The following TG variants were observed in gnomAD, a reference collection of about 807,000 sequenced individuals.
The protein encoded by TG is thyroid hormones.
A neutral mutation model predicts 324.7 loss-of-function variants in TG; 270 were observed. The observed-to-expected ratio is 0.83, with a 90% CI of 0.75 to 0.92. The LOEUF (loss-of-function observed/expected upper bound fraction) is 0.92, where lower values mean the gene tolerates loss of function less well. Ranked by LOEUF, TG falls within the 40% of genes least tolerant of loss-of-function variation. The pLI is 0.00. For missense variants in TG, 3,591 were observed against 3,456.4 expected, an observed-to-expected ratio of 1.04 and a Z score of -0.98; for synonymous variants, 1,401 against 1,327.0, an observed-to-expected ratio of 1.06 and a Z score of -1.21.
chr8:132,963,157 C>T (rs575061047), intron 29 of TG, 83 bp downstream of exon 29: 12 of 1,253,752 alleles, frequency 9.6e-6, no homozygotes, highest in East Asian at 9.3e-5. Context: ...AATCAATGAA[C>T]GGACGTATTG....
chr8:133,094,242 C>CTTTTTTT (rs765931953), intron 41 of TG, among the ~76,000 whole-genome samples: 1 of 126,574 alleles, frequency 7.9e-6, no homozygotes, highest in Non-Finnish European at 1.6e-5. Context: ...CTGTCGTTTT[C>CTTTTTTT]TTTTTTTTTT....
At chr8:132,923,225 T>A (rs2132476972) in intron 21 of TG, 113 bp from the exon 22 acceptor site, 1 of 1,191,454 alleles carries the variant, frequency 8.4e-7, no homozygotes, top group Middle Eastern at 2.6e-4. Context: ...AGCTGGAATG[T>A]CTGAGTTAGA....
chr8:133,025,027 C>T (rs370951869), intron 40 of TG, among the ~76,000 whole-genome samples: 24 of 152,302 alleles, frequency 1.6e-4, no homozygotes, highest in African/African-American at 5.8e-4. Flanking sequence ...CTTTGCCTTC[C>T]TTCCTAGCCT....
At chr8:132,972,303 T>G in intron 33 of TG, 1 of 504,372 alleles carries the variant, frequency 2.0e-6, no homozygotes, top group South Asian at 2.1e-5. Context: ...AAAGCTACCT[T>G]CCTCGTAAGG....
intron 35 of TG, among the ~76,000 whole-genome samples, chr8:132,997,774 G>C (rs1223443703): frequency 6.6e-6 from 1 of 152,168 alleles, no homozygotes; most frequent in Admixed American, 6.5e-5. Flanking sequence ...AAGATTGACA[G>C]CTAAAAAAAG....
intron 35 of TG, among the ~76,000 whole-genome samples, chr8:133,005,252 G>T (rs995331591): frequency 1.3e-5 from 2 of 152,176 alleles, no homozygotes; most frequent in African/African-American, 4.8e-5. Context: ...AGGCCCTCCT[G>T]GGCAGGAAGC....
At chr8:132,922,894 C>T (rs1821310981) in intron 21 of TG, among the ~76,000 whole-genome samples, 1 of 152,162 alleles carries the variant, frequency 6.6e-6, no homozygotes, top group Non-Finnish European at 1.5e-5. Context: ...TGGGTTTCCA[C>T]ATGTGAATTT....
intron 39 of TG, 132 bp from the exon 40 acceptor site, chr8:133,021,859 C>T (rs1323736595): frequency 1.9e-6 from 2 of 1,069,496 alleles, no homozygotes; most frequent in Non-Finnish European, 2.8e-6. Context: ...GGACACAGCT[C>T]CATCCACTGC....
intron 45 of TG, among the ~76,000 whole-genome samples, chr8:133,128,337 G>GCACACACA (rs59451880): frequency 0.042 from 5,573 of 133,674 alleles, 184 homozygotes; most frequent in East Asian, 0.074. Context: ...CAAAAGGCGT[G>GCACACACA]CACACACACA....
At chr8:132,978,753 T>C (rs1478536380) in intron 34 of TG, among the ~76,000 whole-genome samples, 1 of 152,166 alleles carries the variant, frequency 6.6e-6, no homozygotes, top group African/African-American at 2.4e-5. Context: ...GGAGGTAGCA[T>C]GTCCCTGCCC....
chr8:133,008,986 A>C (rs1428351686), intron 35 of TG, among the ~76,000 whole-genome samples: 1 of 152,206 alleles, frequency 6.6e-6, no homozygotes, highest in Non-Finnish European at 1.5e-5. Context: ...GCACAAAAGC[A>C]GTGACTCATC....
intron 41 of TG, among the ~76,000 whole-genome samples, chr8:133,043,854 A>C (rs1352632945): frequency 6.6e-6 from 1 of 152,216 alleles, no homozygotes; most frequent in Non-Finnish European, 1.5e-5. Context: ...TGAACCCAGA[A>C]GGGGGAAGAT....
intron 35 of TG, among the ~76,000 whole-genome samples, chr8:133,007,287 G>C (rs1175576748): frequency 6.6e-6 from 1 of 152,114 alleles, no homozygotes; most frequent in Non-Finnish European, 1.5e-5. Context: ...AAACACAAGA[G>C]TTGACTTTGT....
At chr8:133,038,851 G>T in intron 41 of TG, 1 of 637,160 alleles carries the variant, frequency 1.6e-6, no homozygotes, top group South Asian at 2.0e-5. Flanking sequence ...CAAAAATCCT[G>T]GTGACTATTT....
intron 5 of TG, among the ~76,000 whole-genome samples, chr8:132,879,706 T>C (rs1486725832): frequency 1.3e-5 from 2 of 152,102 alleles, no homozygotes; most frequent in Admixed American, 6.6e-5. Flanking sequence ...GGGAGGACCC[T>C]CTCCAGAGCT....
At chr8:132,988,014 G>GTCT (rs1831793771) in intron 35 of TG, among the ~76,000 whole-genome samples, 1 of 149,948 alleles carries the variant, frequency 6.7e-6, no homozygotes, top group Non-Finnish European at 1.5e-5. Flanking sequence ...CGGGGGAGCA[G>GTCT]AATTCTTTCT....
In TG at chr8:133,062,476, G is replaced by A. The variant is rs532399182; in HGVS notation, c.7239+32453G>A. On this transcript the variant is annotated intron_variant, in intron 41 of 47. Coordinates refer to ENST00000220616, the MANE Select transcript of TG (RefSeq NM_003235.5). ...GCAGACACTTCCTGGGCATCTCCCC[G>A]GTGCCGGGCCCTGGGCTAGAGCCTT... 1.1e-4 allele frequency among the ~76,000 whole-genome samples: 17 copies of A among 152,372 alleles called. No homozygotes were observed. In the South Asian group the frequency reaches 2.7e-3, roughly 24 times the overall value.
chr8:133,002,976 A>G, intron 35 of TG: 1 of 1,018,718 alleles, frequency 9.8e-7, no homozygotes, highest in Non-Finnish European at 1.2e-6. Flanking sequence ...CACCTTTCTT[A>G]CAGATTCACA....
In TG at chr8:132,898,916, G is replaced by A. The variant is rs369679853; in HGVS notation, c.3330+6G>A. 2 of 1,612,216 alleles carry A rather than the reference G, an allele frequency of 1.2e-6. No individual in the cohort carries two copies. The highest frequency in any genetic ancestry group is 2.7e-5 in the African/African-American group (2 of 74,852). ...TCGTCCCAGCCTGCCTAGAAGTAAG[G>A]GTCTGGAAGCACAGGATTGGAGCCG... is the stretch of plus-strand genomic sequence containing the variant. On this transcript the variant is annotated splice_donor_region_variant and intron_variant, in intron 14 of 47. Coordinates refer to ENST00000220616, the MANE Select transcript of TG (RefSeq NM_003235.5).
Sources: allele counts gnomAD v4.1 joint callset (sites outside exome capture counted in the v4.1 genomes callset), GRCh38; gene constraint gnomAD v4.1.1; transcripts MANE v1.5; gene names NCBI Gene and HGNC (gene_info 2026-07-23, HGNC 2026-07-21).